Variants in FBXL7 observed in about 807,000 individuals in gnomAD.
The protein encoded by FBXL7 is F-box/LRR-repeat protein 7.
FBXL7 carries 12 observed loss-of-function variants against 38.3 expected under a neutral mutation model. The ratio of observed to expected loss-of-function variants is 0.31; its 90% confidence interval spans 0.20 to 0.51. FBXL7 has a LOEUF of 0.51. FBXL7 is among the 20% of genes least tolerant of loss of function. The pLI, the probability that FBXL7 is intolerant of heterozygous loss-of-function variation, is 0.98. For missense variants in FBXL7, 567 were observed against 676.4 expected, an observed-to-expected ratio of 0.84 and a Z score of 1.79; for synonymous variants, 297 against 300.9, an observed-to-expected ratio of 0.99 and a Z score of 0.13.
intron 2 of FBXL7, among the ~76,000 whole-genome samples, chr5:15,743,859 C>A (rs1340751670): frequency 6.6e-6 from 1 of 152,226 alleles, no homozygotes; most frequent in Non-Finnish European, 1.5e-5. Context: ...GACCCACAGG[C>A]CCAGCACCAC....
In FBXL7 at chr5:15,634,393, C is replaced by A. The variant is rs1396024126; in HGVS notation, c.127+18321C>A. ...CTGGAGTGCAGCAGTGCGATCTCAG[C>A]TCACTGCAACCCCCGCCTCCGAAGT... On this transcript the variant is annotated intron_variant, in intron 2 of 3. Coordinates refer to ENST00000504595, the MANE Select transcript of FBXL7 (RefSeq NM_012304.5). 2.0e-5 allele frequency among the ~76,000 whole-genome samples: 3 copies of A among 147,844 alleles called. No homozygotes were observed. The Admixed American group carries it at 2.1e-4, about 10-fold the overall frequency.
chr5:15,901,216 G>A (rs186296231), intron 2 of FBXL7, among the ~76,000 whole-genome samples: 18 of 152,200 alleles, frequency 1.2e-4, no homozygotes, highest in African/African-American at 3.6e-4. Context: ...TCTCACAGCT[G>A]GAGGCTGAGG....
At chr5:15,726,742 G>T (rs1474802514) in intron 2 of FBXL7, among the ~76,000 whole-genome samples, 1 of 131,302 alleles carries the variant, frequency 7.6e-6, no homozygotes, top group Non-Finnish European at 1.6e-5. Flanking sequence ...TGAGCCTTTT[G>T]TGGATAGCAT....
chr5:15,682,001 G>A (rs999161292), intron 2 of FBXL7, among the ~76,000 whole-genome samples: 1 of 152,178 alleles, frequency 6.6e-6, no homozygotes, highest in African/African-American at 2.4e-5. Flanking sequence ...TCAGGTCTGC[G>A]TTAGTCAGAA....
chr5:15,892,888 G>A (rs191695628), intron 2 of FBXL7, among the ~76,000 whole-genome samples: 104 of 150,862 alleles, frequency 6.9e-4, no homozygotes, highest in Non-Finnish European at 7.1e-4. Flanking sequence ...GAGGCCGAGG[G>A]GGGCGGATCA....
chr5:15,504,145 G>T lies in FBXL7; in HGVS notation c.37+3432G>T, dbSNP rs553822754. Among the ~76,000 whole-genome samples the T allele has an allele frequency of 4.5e-4, 68 of 152,270 alleles. 1 individual carries two copies. In the South Asian group the frequency reaches 0.012, roughly 27 times the overall value. On this transcript the variant is annotated intron_variant, in intron 1 of 3. Coordinates refer to ENST00000504595, the MANE Select transcript of FBXL7 (RefSeq NM_012304.5). ...GTGTAGAGTACAGAGCATTGACTTG[G>T]GAGTCTAAAAATTTAATTTCAGCAT... is the stretch of plus-strand genomic sequence containing the variant.
intron 2 of FBXL7, among the ~76,000 whole-genome samples, chr5:15,631,301 G>A (rs1422777331): frequency 2.0e-5 from 3 of 152,184 alleles, no homozygotes; most frequent in African/African-American, 7.2e-5. Flanking sequence ...TTTGTAAAAT[G>A]ATACATGTAC....
At chr5:15,555,281 G>C (rs1423884555) in intron 1 of FBXL7, among the ~76,000 whole-genome samples, 1 of 152,164 alleles carries the variant, frequency 6.6e-6, no homozygotes, top group Admixed American at 6.5e-5. Context: ...CGGTACAGAG[G>C]CCTCTCATGT....
intron 1 of FBXL7, among the ~76,000 whole-genome samples, chr5:15,504,818 A>T (rs1173877502): frequency 6.6e-6 from 1 of 152,218 alleles, no homozygotes; most frequent in Non-Finnish European, 1.5e-5. Context: ...AAGTGGGAAA[A>T]GAGAAGCTGC....
At chr5:15,580,345 C>T (rs538129600) in intron 1 of FBXL7, among the ~76,000 whole-genome samples, 2 of 152,140 alleles carry the variant, frequency 1.3e-5, no homozygotes, top group South Asian at 4.2e-4. Context: ...TGTTATAGCC[C>T]AAGTGAAATA....
At chr5:15,572,189 T>C (rs1178296999) in intron 1 of FBXL7, among the ~76,000 whole-genome samples, 2 of 152,110 alleles carry the variant, frequency 1.3e-5, no homozygotes, top group African/African-American at 4.8e-5. Context: ...TCATTTAATC[T>C]TCCTGAGGCT....
intron 2 of FBXL7, among the ~76,000 whole-genome samples, chr5:15,661,701 C>T (rs550755902): frequency 6.6e-6 from 1 of 152,268 alleles, no homozygotes; most frequent in Admixed American, 6.5e-5. Context: ...CTCCTCCCAA[C>T]CTTCACCTTC....
intron 1 of FBXL7, among the ~76,000 whole-genome samples, chr5:15,554,168 T>C (rs1738166248): frequency 6.6e-6 from 1 of 152,182 alleles, no homozygotes; most frequent in East Asian, 1.9e-4. Flanking sequence ...GGTTCCCATC[T>C]TGAGAATGGA....
At chr5:15,543,978 A>G (rs979472645) in intron 1 of FBXL7, among the ~76,000 whole-genome samples, 1 of 152,188 alleles carries the variant, frequency 6.6e-6, no homozygotes, top group Non-Finnish European at 1.5e-5. Context: ...ACCAGCTAAA[A>G]CAGGGTGGGA....
At chr5:15,519,567 C>T (rs889587981) in intron 1 of FBXL7, among the ~76,000 whole-genome samples, 3 of 152,136 alleles carry the variant, frequency 2.0e-5, no homozygotes, top group Non-Finnish European at 4.4e-5. Flanking sequence ...CTATTTCTTC[C>T]TCCTTTGGAG....
chr5:15,735,499 AG>A (rs1735726791), intron 2 of FBXL7, among the ~76,000 whole-genome samples: 1 of 152,214 alleles, frequency 6.6e-6, no homozygotes, highest in Non-Finnish European at 1.5e-5. Context: ...GATCATGGAG[AG>A]GAAACATCAA....
At chr5:15,716,367 A>G (rs900455244) in intron 2 of FBXL7, among the ~76,000 whole-genome samples, 1 of 152,200 alleles carries the variant, frequency 6.6e-6, no homozygotes, top group African/African-American at 2.4e-5. Flanking sequence ...GAATGTGGCA[A>G]GTTTAACTTG....
chr5:15,509,975 G>A (rs1220532034), intron 1 of FBXL7, among the ~76,000 whole-genome samples: 1 of 152,120 alleles, frequency 6.6e-6, no homozygotes, highest in Non-Finnish European at 1.5e-5. Context: ...AATTTTCCTG[G>A]GTAATGAAAA....
intron 1 of FBXL7, among the ~76,000 whole-genome samples, chr5:15,594,729 C>G (rs1739574292): frequency 6.6e-6 from 1 of 152,178 alleles, no homozygotes; most frequent in East Asian, 1.9e-4. Context: ...TGGCTCTTTG[C>G]GTATAACCTG....
Sources: allele counts gnomAD v4.1 joint callset (sites outside exome capture counted in the v4.1 genomes callset), GRCh38; gene constraint gnomAD v4.1.1; transcripts MANE v1.5; gene names NCBI Gene and HGNC (gene_info 2026-07-23, HGNC 2026-07-21).